CHD1L: variants seen among roughly 807,000 people sequenced by gnomAD.
CHD1L encodes chromodomain helicase DNA binding protein 1 like.
A neutral mutation model predicts 115.9 loss-of-function variants in CHD1L; 118 were observed. The ratio of observed to expected loss-of-function variants is 1.02; its 90% CI spans 0.88 to 1.19. CHD1L has a LOEUF of 1.19. CHD1L is among the 50% of genes most tolerant of loss of function. CHD1L has a pLI of 0.00. For synonymous variants in CHD1L, 411 were observed against 387.1 expected (o/e 1.06, Z -0.72); for missense variants, 1,179 against 1,065.3 (o/e 1.11, Z -1.49).
chr1:147,284,287 G>C (rs782596067), intron 15 of CHD1L, 64 bp from the exon 16 acceptor site: 2 of 1,320,216 alleles, frequency 1.5e-6, no homozygotes, highest in Non-Finnish European at 2.1e-6. Flanking sequence ...TTATTGATTT[G>C]AATAGCATTA....
intron 1 of CHD1L, among the ~76,000 whole-genome samples, chr1:147,250,309 T>C (rs929330581): frequency 1.1e-4 from 17 of 152,226 alleles, no homozygotes; most frequent in African/African-American, 3.9e-4. Context: ...TTATAAGAAT[T>C]GGAGCCAGGC....
the CHD1L span, chr1:147,225,169 TGAG>T: frequency 6.6e-7 from 1 of 1,509,628 alleles, no homozygotes; most frequent in South Asian, 1.3e-5. Context: ...AGAGGTGTCT[TGAG>T]GAGGACAGAT....
At chr1:147,206,801 A>G in the CHD1L span, among the ~76,000 whole-genome samples, 2 of 151,222 alleles carry the variant, frequency 1.3e-5, no homozygotes, top group Non-Finnish European at 2.9e-5. Flanking sequence ...ATTAGGAGAT[A>G]TATCTGATGT....
At chr1:147,216,002 C>A in the CHD1L span, 1 of 1,309,514 alleles carries the variant, frequency 7.6e-7, no homozygotes, top group Non-Finnish European at 1.1e-6. Context: ...TTTATAATAG[C>A]CAATAGACAT....
intron 3 of CHD1L, among the ~76,000 whole-genome samples, chr1:147,255,599 T>G (rs182073444): frequency 3.9e-5 from 6 of 152,268 alleles, no homozygotes; most frequent in Admixed American, 3.3e-4. Flanking sequence ...GCACAAGACC[T>G]TTTTAGATCT....
intron 1 of CHD1L, among the ~76,000 whole-genome samples, chr1:147,251,700 T>C (rs1393160506): frequency 6.6e-6 from 1 of 151,982 alleles, no homozygotes; most frequent in Non-Finnish European, 1.5e-5. Flanking sequence ...CAGCTAATTT[T>C]TGTATTATTT....
chr1:147,242,660 GA>G, upstream of CHD1L: 1 of 1,261,458 alleles, frequency 7.9e-7, no homozygotes, highest in Non-Finnish European at 1.0e-6. Context: ...AGTTGGGAGG[GA>G]GGTGCGCGCT....
chr1:147,222,153 T>G, the CHD1L span, among the ~76,000 whole-genome samples: 1 of 152,098 alleles, frequency 6.6e-6, no homozygotes. Context: ...GCAGATCACT[T>G]GAGGTGAGGA....
At chr1:147,212,977 A>G in the CHD1L span, among the ~76,000 whole-genome samples, 909 of 152,118 alleles carry the variant, frequency 6.0e-3, 4 homozygotes, top group Middle Eastern at 0.01. Flanking sequence ...TTCCTTAGAA[A>G]CTCAATATTT....
Position 147,286,335 on chromosome 1 carries a change from T to G in CHD1L, c.2056T>G (p.Cys686Gly). 6.2e-7 allele frequency: 1 copy of G among 1,614,150 alleles called. No homozygotes were observed. The change falls in exon 18 of 23, where the codon TGC becomes GGC. Residue 686 changes from cysteine (C) to glycine (G), a missense_variant. By Grantham distance (159) the Cys-to-Gly change is radical (BLOSUM62 -3). Transcript: ENST00000369258. ...WWESNNYQSF[C>G]LPSEESEPED... Reference sequence around the variant, plus strand: ...GGAATCCAACAATTACCAGTCCTTCTGCCTGCCCTCTGAGGAGAGCGAGCC... The same window carrying G: ...GGAATCCAACAATTACCAGTCCTTCGGCCTGCCCTCTGAGGAGAGCGAGCC...
upstream of CHD1L, among the ~76,000 whole-genome samples, chr1:147,238,877 A>G (rs929709483): frequency 6.6e-6 from 1 of 152,098 alleles, no homozygotes; most frequent in Admixed American, 6.5e-5. Flanking sequence ...TTCCACCTGA[A>G]TTGACTGTCC....
At chr1:147,269,659 C>T (rs1675351972) in intron 10 of CHD1L, among the ~76,000 whole-genome samples, 1 of 112,560 alleles carries the variant, frequency 8.9e-6, no homozygotes. Context: ...CAGAGCGAGG[C>T]TCCATCTCAA....
chr1:147,217,710 C>A, the CHD1L span, among the ~76,000 whole-genome samples: 1 of 152,214 alleles, frequency 6.6e-6, no homozygotes, highest in Non-Finnish European at 1.5e-5. Flanking sequence ...ATCTAGCCTA[C>A]CTGTTTCAAC....
chr1:147,213,943 A>C, the CHD1L span, among the ~76,000 whole-genome samples: 1 of 152,192 alleles, frequency 6.6e-6, no homozygotes, highest in East Asian at 1.9e-4. Context: ...GTAGAAAAAC[A>C]CCTCAGTGGC....
chr1:147,245,243 C>T (rs1204490450), intron 1 of CHD1L, among the ~76,000 whole-genome samples: 4 of 152,174 alleles, frequency 2.6e-5, no homozygotes, highest in Non-Finnish European at 2.9e-5. Context: ...TGGCTTTAGC[C>T]AGGCACGTGA....
chr1:147,252,154 C>T (rs1020269784), intron 1 of CHD1L, among the ~76,000 whole-genome samples: 4 of 152,302 alleles, frequency 2.6e-5, no homozygotes, highest in Non-Finnish European at 1.5e-5. Flanking sequence ...TTAAAAACAG[C>T]GCTTCTGTGT....
At chr1:147,209,630 T>C in the CHD1L span, 1 of 152,526 alleles carries the variant, frequency 6.6e-6, no homozygotes, top group African/African-American at 2.4e-5. Flanking sequence ...AGTGCTATTA[T>C]GCCTGCCTGA....
Position 147,286,487 on chromosome 1 carries a change from T to C in CHD1L, c.2208T>C (p.Ile736=), listed in dbSNP as rs1683179760. 6.2e-7 allele frequency: 1 copy of C among 1,613,682 alleles called. No homozygotes were observed. The highest frequency in any genetic ancestry group is 8.5e-7 in the Non-Finnish European group (1 of 1,179,970). ...AGGCTGGGGCCGAGGATGCTCTCAT[T>C]GTGCACTGCGTAGGTACGAGAAGTG... ...HPQAGAEDAL[I]VHCVDDSGHW... The change falls in exon 18 of 23, where the codon ATT becomes ATC. Residue 736 remains isoleucine, a synonymous_variant. Transcript: ENST00000369258.
intron 1 of CHD1L, among the ~76,000 whole-genome samples, chr1:147,251,446 A>G (rs927353760): frequency 9.2e-5 from 14 of 152,180 alleles, no homozygotes; most frequent in African/African-American, 3.4e-4. Flanking sequence ...AAATCTCTGA[A>G]TTTTCTGATT....
Sources: gnomAD v4.1 joint callset for allele counts (sites outside exome capture counted in the v4.1 genomes callset) on GRCh38, gnomAD v4.1.1 for gene constraint, MANE v1.5 for transcripts, NCBI Gene and HGNC (gene_info 2026-07-23, HGNC 2026-07-21) for gene names.